TNS3: variants seen among roughly 807,000 people sequenced by gnomAD.
TNS3 encodes the protein tensin-3.
Under a neutral mutation model 140.9 loss-of-function variants are expected in TNS3, and 45 were observed. The observed-to-expected ratio is 0.32, with a 90% CI of 0.25 to 0.41. The LOEUF (loss-of-function observed/expected upper bound fraction) is 0.41. TNS3 is among the 10% of genes least tolerant of loss of function. The probability of loss-of-function intolerance (pLI) is 1.00; values close to 1 mark genes in which losing one functional copy is unlikely to be tolerated. For synonymous variants in TNS3, 815 were observed against 788.4 expected, an observed-to-expected ratio of 1.03 and a Z score of -0.56; for missense variants, 1,716 against 1,906.7, an observed-to-expected ratio of 0.90 and a Z score of 1.86.
At chr7:47,288,172 A>G (rs1785516215) in intron 27 of TNS3, among the ~76,000 whole-genome samples, 1 of 152,166 alleles carries the variant, frequency 6.6e-6, no homozygotes, top group Non-Finnish European at 1.5e-5. Context: ...TGTGTCCCTG[A>G]GACAATATGG....
intron 20 of TNS3, among the ~76,000 whole-genome samples, chr7:47,309,468 C>T (rs933819466): frequency 2.0e-5 from 3 of 151,872 alleles, no homozygotes; most frequent in East Asian, 3.9e-4. Flanking sequence ...CTCAACAAGC[C>T]GGAGGTTTGT....
chr7:47,537,670 G>T (rs544977668), intron 1 of TNS3, among the ~76,000 whole-genome samples: 1 of 152,198 alleles, frequency 6.6e-6, no homozygotes, highest in Admixed American at 6.5e-5. Context: ...TCTAAATCTT[G>T]AATATTATCC....
intron 20 of TNS3, among the ~76,000 whole-genome samples, chr7:47,343,672 G>C (rs1789150875): frequency 1.3e-5 from 2 of 152,334 alleles, no homozygotes; most frequent in South Asian, 4.1e-4. Context: ...ACCTATGTGT[G>C]AGTCCATCAT....
intron 20 of TNS3, among the ~76,000 whole-genome samples, chr7:47,317,160 T>C: frequency 6.6e-6 from 1 of 152,248 alleles, no homozygotes; most frequent in Non-Finnish European, 1.5e-5. Context: ...GATAAATTGT[T>C]TCTGTCTTTT....
chr7:47,568,573 G>A (rs76346282), intron 1 of TNS3, among the ~76,000 whole-genome samples: 3,286 of 152,312 alleles, frequency 0.022, 107 homozygotes, highest in African/African-American at 0.07. Flanking sequence ...GAATCTCCCC[G>A]CACAGGGCCT....
At chr7:47,282,913 C>T (rs1173200700) in intron 28 of TNS3, among the ~76,000 whole-genome samples, 1 of 152,160 alleles carries the variant, frequency 6.6e-6, no homozygotes, top group Non-Finnish European at 1.5e-5. Flanking sequence ...ATGGGCACCA[C>T]AGAGAGGCAT....
At chr7:47,299,920 T>C (rs1295884221) in intron 23 of TNS3, among the ~76,000 whole-genome samples, 1 of 152,222 alleles carries the variant, frequency 6.6e-6, no homozygotes, top group East Asian at 1.9e-4. Context: ...CTTCTCACAC[T>C]GTCGCGCCCT....
intron 16 of TNS3, among the ~76,000 whole-genome samples, chr7:47,371,367 G>A (rs115052075): frequency 0.014 from 2,069 of 152,266 alleles, 42 homozygotes; most frequent in African/African-American, 0.047. Flanking sequence ...TATCTATAAG[G>A]AACTGAGGAT....
chr7:47,283,700 C>T lies in TNS3; in HGVS notation c.4094G>A (p.Arg1365Lys), dbSNP rs1186723003. ...AQGITLTDNQ[R>K]KLFFRRHYPV... is the part of the protein sequence containing the mutation. ...CTGCCTCCCTCTAGGCACTCACTTC[C>T]TCTGATTGTCTGTCAGGGTGATGCC... Residue 1365 changes from arginine to lysine, a missense_variant, in exon 28 of 31, where the codon AGG becomes AAG. Physicochemically the swap from Arg to Lys is conservative, Grantham distance 26 (BLOSUM62 2). This residue lies in a region of TNS3 where 216 missense variants were observed against 295.7 expected (regional missense o/e 0.73). Transcript: ENST00000311160. 2 of 1,569,686 alleles carry T rather than the reference C, an allele frequency of 1.3e-6. No individual in the cohort carries two copies. The highest frequency in any genetic ancestry group is 2.4e-5 in the South Asian group (2 of 83,300).
chr7:47,316,130 CT>C (rs1787392208), intron 20 of TNS3, among the ~76,000 whole-genome samples: 1 of 144,978 alleles, frequency 6.9e-6, no homozygotes, highest in Non-Finnish European at 1.5e-5. Flanking sequence ...CTCTCTCTCT[CT>C]CTCTCTCTCT....
chr7:47,551,416 G>C (rs915963962), intron 1 of TNS3, among the ~76,000 whole-genome samples: 7 of 152,314 alleles, frequency 4.6e-5, no homozygotes, highest in African/African-American at 1.7e-4. Flanking sequence ...GGTGGGTGAG[G>C]GCACAAAACG....
intron 13 of TNS3, among the ~76,000 whole-genome samples, chr7:47,404,628 T>C (rs1019096988): frequency 3.9e-5 from 6 of 152,094 alleles, no homozygotes; most frequent in African/African-American, 1.4e-4. Context: ...GGCTCACGCC[T>C]GTAATCCCAG....
chr7:47,293,681 AT>A (rs1785839806), intron 25 of TNS3, 51 bp downstream of exon 25: 2 of 1,522,498 alleles, frequency 1.3e-6, no homozygotes, highest in African/African-American at 1.4e-5. Flanking sequence ...AGCAGAGGGA[AT>A]CCAGGCCTCA....
intron 1 of TNS3, among the ~76,000 whole-genome samples, chr7:47,546,495 G>A (rs985569026): frequency 6.6e-6 from 1 of 152,180 alleles, no homozygotes; most frequent in African/African-American, 2.4e-5. Flanking sequence ...GGACGGTGAG[G>A]TGCTGAGGCT....
At chr7:47,445,258 G>T (rs921378497) in intron 4 of TNS3, among the ~76,000 whole-genome samples, 1 of 152,154 alleles carries the variant, frequency 6.6e-6, no homozygotes, top group Non-Finnish European at 1.5e-5. Flanking sequence ...GGCATGTGGT[G>T]CTCAGCAGCT....
At chr7:47,561,065 T>C (rs887137073) in intron 1 of TNS3, among the ~76,000 whole-genome samples, 1 of 152,160 alleles carries the variant, frequency 6.6e-6, no homozygotes, top group African/African-American at 2.4e-5. Flanking sequence ...TTGTCTAGGG[T>C]AATAGGGATA....
In TNS3 at chr7:47,575,660, A is replaced by C. The variant is rs11979073; in HGVS notation, c.-265+6391T>G. Among the ~76,000 whole-genome samples the C allele has an allele frequency of 6.7e-3, 1,024 of 151,996 alleles. 19 individuals carry two copies. The highest frequency in any genetic ancestry group is 0.023 in the African/African-American group (969 of 41,438). On this transcript the variant is annotated intron_variant, in intron 1 of 30. Coordinates refer to ENST00000311160, the MANE Select transcript of TNS3 (RefSeq NM_022748.12). The stretch of plus-strand genomic sequence containing the variant: ...GAAACCCCGTCTCTACTAAAAATAC[A>C]AAAAATTAGCCGGGCAGCCAGGCGT...
At chr7:47,513,877 G>A (rs1798691638) in intron 2 of TNS3, among the ~76,000 whole-genome samples, 1 of 152,234 alleles carries the variant, frequency 6.6e-6, no homozygotes, top group Non-Finnish European at 1.5e-5. Context: ...GTCAGACGAG[G>A]TTTCCAGACT....
intron 20 of TNS3, among the ~76,000 whole-genome samples, chr7:47,313,607 G>A (rs1787229939): frequency 6.6e-6 from 1 of 152,196 alleles, no homozygotes. Flanking sequence ...GACTGACATT[G>A]CTCTTAGTGG....
Sources: allele counts gnomAD v4.1 joint callset (sites outside exome capture counted in the v4.1 genomes callset), GRCh38; gene constraint gnomAD v4.1.1; regional missense constraint gnomAD v4.1.1; transcripts MANE v1.5; gene names NCBI Gene and HGNC (gene_info 2026-07-23, HGNC 2026-07-21).